Variants in ULK1 observed in about 807,000 individuals in gnomAD.
The protein encoded by ULK1 is serine/threonine-protein kinase ULK1.
A neutral mutation model predicts 117.5 loss-of-function variants in ULK1; 48 were observed. That is an observed-to-expected ratio of 0.41 (90% CI 0.32 to 0.52). The LOEUF (loss-of-function observed/expected upper bound fraction) is 0.52, where lower values mean the gene tolerates loss of function less well. Among genes scored for constraint, ULK1 ranks in the 20% least tolerant of loss-of-function variants. ULK1 has a pLI of 0.29. For missense variants in ULK1, 1,387 were observed against 1,473.4 expected, an observed-to-expected ratio of 0.94 and a Z score of 0.96; for synonymous variants, 790 against 637.8, an observed-to-expected ratio of 1.24 and a Z score of -3.60.
In ULK1 at chr12:131,922,197, T is replaced by C. The variant is rs1890180656; in HGVS notation, c.*836T>C. 1 of 363,192 alleles carries C rather than the reference T, an allele frequency of 2.8e-6. No individual in the cohort carries two copies. The highest frequency in any genetic ancestry group is 2.1e-5 in the African/African-American group (1 of 46,934). 22.5% of individuals were successfully genotyped at this position (363,192 alleles called of 1,614,324 possible). On this transcript the variant is annotated 3_prime_UTR_variant, in exon 28 of 28. Transcript: ENST00000321867. ...TTTTTTCTTTAAAGGAGAAAACTTG[T>C]AGGTGTTTAAGAATTGGTTTTGGGA...
At chr12:131,912,940 G>A (rs561350478) in intron 13 of ULK1, among the ~76,000 whole-genome samples, 1 of 152,188 alleles carries the variant, frequency 6.6e-6, no homozygotes, top group South Asian at 2.1e-4. Context: ...TGGGGCTGAG[G>A]AGACAGGAGG....
At chr12:131,918,780 G>GGTGTGTGGGGTATAGGGT (rs879808751) in intron 23 of ULK1, 99 bp downstream of exon 23, 2 of 983,316 alleles carry the variant, frequency 2.0e-6, no homozygotes, top group Non-Finnish European at 1.4e-6. Flanking sequence ...TGGGGTGTCG[G>GGTGTGTGGGGTATAGGGT]GTGTGGGGTG....
chr12:131,912,193 A>T, intron 13 of ULK1, 104 bp downstream of exon 13: 2 of 1,464,090 alleles, frequency 1.4e-6, no homozygotes, highest in East Asian at 2.5e-5. Context: ...ACTTATGGGC[A>T]GTTAGGATGG....
Position 131,916,994 on chromosome 12 carries a change from C to T in ULK1, c.2114C>T (p.Ala705Val), listed in dbSNP as rs145279005. The part of the protein sequence containing the change: ...TSRLTDLLLK[A>V]AFGTQAPDPG... Reference sequence around the variant, plus strand: ...CGCCTCACTGACCTGCTCCTTAAGGCGGCGTTTGGGACACAAGCCCCGGAC... The same window carrying T: ...CGCCTCACTGACCTGCTCCTTAAGGTGGCGTTTGGGACACAAGCCCCGGAC... The change falls in exon 21 of 28, where the codon GCG (alanine) becomes GTG (valine). Residue 705 changes from alanine to valine, a missense_variant. Ala to Val is a moderately conservative substitution (Grantham distance 64). Around this residue, in one of 4 missense-constraint regions of ULK1, gnomAD observed 900 missense variants for 858.9 expected, o/e 1.05. Coordinates refer to ENST00000321867, the MANE Select transcript of ULK1 (RefSeq NM_003565.4). 2,956 of 1,600,426 alleles carry T rather than the reference C, an allele frequency of 1.8e-3. 7 individuals are homozygous for T. The highest frequency in any genetic ancestry group is 1.8e-3 in the Non-Finnish European group (2,158 of 1,174,698).
At chr12:131,907,607 C>T in intron 5 of ULK1, 76 bp downstream of exon 5, 1 of 1,536,990 alleles carries the variant, frequency 6.5e-7, no homozygotes, top group Non-Finnish European at 8.8e-7. Context: ...CTGGCCCAGT[C>T]TGGGAGGCAG....
chr12:131,914,290 C>G, intron 15 of ULK1, 62 bp from the exon 16 acceptor site: 1 of 1,582,052 alleles, frequency 6.3e-7, no homozygotes, highest in Non-Finnish European at 8.6e-7. Context: ...TGCCCCAGCT[C>G]CATGACCTCA....
chr12:131,909,711 A>T, intron 8 of ULK1, 64 bp from the exon 9 acceptor site: 1 of 1,463,824 alleles, frequency 6.8e-7, no homozygotes, highest in South Asian at 1.3e-5. Context: ...GAACGCACCG[A>T]GACCCCGTGG....
At chr12:131,912,631 T>G (rs1041729803) in intron 13 of ULK1, among the ~76,000 whole-genome samples, 10 of 152,220 alleles carry the variant, frequency 6.6e-5, no homozygotes, top group African/African-American at 2.4e-4. Context: ...CTGGTCCCCG[T>G]GTCTGCCAGG....
At chr12:131,915,516 A>G (rs1889739251) in intron 18 of ULK1, 95 bp downstream of exon 18, 6 of 1,408,562 alleles carry the variant, frequency 4.3e-6, no homozygotes, top group Non-Finnish European at 5.7e-6. Context: ...TCCAAGTGAA[A>G]AGGAGTGGGA....
rs1453738822 is a variant in ULK1, at chr12:131,902,750, C to A, written c.247-4142C>A. 3.3e-5 allele frequency among the ~76,000 whole-genome samples: 5 copies of A among 152,066 alleles called. No individual in the cohort carries two copies. In the East Asian group the frequency reaches 9.7e-4, roughly 29 times the overall value. On this transcript the variant is annotated intron_variant, in intron 3 of 27. Coordinates refer to ENST00000321867, the MANE Select transcript of ULK1 (RefSeq NM_003565.4). This position sits in a 1 kb window ranked among gnomAD's most constrained non-coding sequence, Gnocchi z 6.3. ...GATTAGGGCATGGGCGGTGTGGCCACAACTGTGTGTGTCACCACGGGACGG... is the reference window on the plus strand; with the variant it reads ...GATTAGGGCATGGGCGGTGTGGCCAAAACTGTGTGTGTCACCACGGGACGG...
chr12:131,920,151 G>A lies in ULK1; in HGVS notation c.2961+15G>A. The A allele has an allele frequency of 4.4e-6, 7 of 1,606,678 alleles. No homozygotes were observed. The highest frequency in any genetic ancestry group is 6.0e-6 in the Non-Finnish European group (7 of 1,174,824). On this transcript the variant is annotated intron_variant, in intron 26 of 27. Coordinates refer to ENST00000321867, the MANE Select transcript of ULK1 (RefSeq NM_003565.4). Reference sequence around the variant, plus strand: ...CTGTGCAGATGGTACGGGACAGACAGACACCAGTGGGGCAGGGGCCAGGAA... The same window carrying A: ...CTGTGCAGATGGTACGGGACAGACAAACACCAGTGGGGCAGGGGCCAGGAA...
chr12:131,918,118 C>T (rs917857475), intron 22 of ULK1, among the ~76,000 whole-genome samples: 12 of 152,184 alleles, frequency 7.9e-5, no homozygotes, highest in African/African-American at 2.9e-4. Flanking sequence ...CTTTGAGGTC[C>T]TTTTGGGCCT....
At chr12:131,896,203 C>T (rs1197814921) in intron 3 of ULK1, among the ~76,000 whole-genome samples, 1 of 152,042 alleles carries the variant, frequency 6.6e-6, no homozygotes, top group Non-Finnish European at 1.5e-5. Context: ...CTCCTGCGGC[C>T]GGCATTGGCC....
At chr12:131,906,804 G>C in intron 3 of ULK1, 88 bp from the exon 4 acceptor site, 1 of 1,568,834 alleles carries the variant, frequency 6.4e-7, no homozygotes, top group Middle Eastern at 1.7e-4. Flanking sequence ...TGCAGGGCCT[G>C]CCCAGGCCGA....
At chr12:131,895,846 C>A in intron 3 of ULK1, 22 bp downstream of exon 3, 1 of 1,613,914 alleles carries the variant, frequency 6.2e-7, no homozygotes, top group South Asian at 1.1e-5. Context: ...GGGCTGCGGT[C>A]TGCTGGGGAC....
rs1292081638 is a variant in ULK1, at chr12:131,917,565, G to A, written c.2326+11G>A. 4 of 1,410,800 alleles carry A rather than the reference G, an allele frequency of 2.8e-6. No individual in the cohort carries two copies. The African/African-American group carries it at 4.5e-5, about 16-fold the overall frequency. The allele number at this position is 1,410,800 out of a possible 1,614,324, so 87.4% of individuals were successfully genotyped here. ...CCAGGATGTTCTCAGGTGAGGGCTG[G>A]CTAGGCTGAAGCCCTGTCCCTTTTG... On this transcript the variant is annotated intron_variant, in intron 22 of 27. Transcript: ENST00000321867.
rs565130029 is a variant in ULK1, at chr12:131,902,951, C to T, written c.247-3941C>T. ...AGCTTGTGAAAACCAAATGTAGCTG[C>T]GAGGCAGACGTGGAGCCCGATGCCC... On this transcript the variant is annotated intron_variant, in intron 3 of 27. Transcript: ENST00000321867. This position sits in a 1 kb window ranked among gnomAD's most constrained non-coding sequence, Gnocchi z 6.3. Among the ~76,000 whole-genome samples, 13 of 152,204 alleles carry T rather than the reference C, an allele frequency of 8.5e-5. 1 individual carries two copies. The highest frequency in any genetic ancestry group is 8.3e-4 in the South Asian group (4 of 4,818).
At chr12:131,908,564 C>T (rs1889377372) in intron 5 of ULK1, 80 bp from the exon 6 acceptor site, 2 of 1,399,380 alleles carry the variant, frequency 1.4e-6, no homozygotes, top group Non-Finnish European at 1.9e-6. Context: ...ATCCGTGTGG[C>T]GGGACCGGCC....
At chr12:131,920,915 AGTGTCTCCCCTTGGCCC>A in intron 26 of ULK1, 168 bp from the exon 27 acceptor site, 2 of 797,872 alleles carry the variant, frequency 2.5e-6, no homozygotes, top group Admixed American at 3.0e-5. Flanking sequence ...GGTTCCAGGC[AGTGTCTCCCCTTGGCCC>A]TGTGACCATC....
Sources: gnomAD v4.1 joint callset for allele counts (sites outside exome capture counted in the v4.1 genomes callset) on GRCh38, gnomAD v4.1.1 for gene constraint, gnomAD v4.1.1 regional missense constraint, Gnocchi (gnomAD v3.1) non-coding constraint, MANE v1.5 for transcripts, NCBI Gene and HGNC (gene_info 2026-07-23, HGNC 2026-07-21) for gene names.